The following DIS3L variants were observed in gnomAD, a reference collection of about 807,000 sequenced individuals.
DIS3L encodes DIS3-like exonuclease 1.
A neutral mutation model predicts 120.3 loss-of-function variants in DIS3L; 100 were observed. The observed-to-expected ratio is 0.83, with a 90% CI of 0.71 to 0.98. The LOEUF is 0.98. Ranked by LOEUF, DIS3L falls within the 50% of genes least tolerant of loss-of-function variation. DIS3L has a pLI of 0.00. For synonymous variants in DIS3L, 426 were observed against 470.6 expected (o/e 0.91, Z 1.23); for missense variants, 1,196 against 1,314.2 (o/e 0.91, Z 1.39).
chr15:66,311,765 C>G lies in DIS3L; in HGVS notation c.600C>G (p.His200Gln). The change falls in exon 5 of 17, where the codon CAC becomes CAG. Residue 200 changes from histidine to glutamine, a missense_variant. Coordinates refer to ENST00000319212, the MANE Select transcript of DIS3L (RefSeq NM_001143688.3). ...DNFWPDLKAA[H>Q]ELCDSILQSR... ...TCTGGCCTGATTTAAAAGCTGCCCA[C>G]GAGCTTTGTGATTCTATCCTTCAGT... The G allele has an allele frequency of 6.2e-7, 1 of 1,614,126 alleles. No individual in the cohort carries two copies. The highest frequency in any genetic ancestry group is 8.5e-7 in the Non-Finnish European group (1 of 1,180,004).
Position 66,322,821 on chromosome 15 carries a change from C to G in DIS3L, c.1461C>G (p.Asp487Glu). The G allele has an allele frequency of 6.2e-7, 1 of 1,614,208 alleles. No homozygotes were observed. The highest frequency in any genetic ancestry group is 8.5e-7 in the Non-Finnish European group (1 of 1,180,042). ...CCAAAGGTTGTGAAGATGTGGATGA[C>G]ACACTCTCAGTCAGAACCTTAAATA... ...IDPKGCEDVD[D>E]TLSVRTLNNG... The change falls in exon 10 of 17, where the codon GAC becomes GAG. Residue 487 changes from aspartate (D) to glutamate (E), a missense_variant. Physicochemically the swap from Asp to Glu is conservative, Grantham distance 45. Transcript: ENST00000319212.
chr15:66,293,856 C>T, intron 1 of DIS3L, 121 bp downstream of exon 1: 1 of 970,824 alleles, frequency 1.0e-6, no homozygotes, highest in Non-Finnish European at 1.2e-6. Context: ...GGCCCCGCGG[C>T]CTGCGCCCGC....
intron 6 of DIS3L, among the ~76,000 whole-genome samples, chr15:66,314,498 AAAT>A (rs1448114626): frequency 1.3e-5 from 2 of 152,230 alleles, no homozygotes; most frequent in East Asian, 3.8e-4. Context: ...AAAAATGTGT[AAAT>A]AAGTTGTATC....
Position 66,295,025 on chromosome 15 carries a change from G to C in DIS3L, c.177G>C (p.Val59=). The change falls in exon 2 of 17, where the codon GTG becomes GTC. Residue 59 remains valine (V), a synonymous_variant. Transcript: ENST00000319212. ...KLLSSDVTHY[V]IPDWKVVQDY... is the part of the protein sequence containing the mutation. ...TGTCTAGTGATGTGACTCATTACGTGATCCCAGACTGGAAAGTTGTTCAAG... is the reference window on the plus strand; with the variant it reads ...TGTCTAGTGATGTGACTCATTACGTCATCCCAGACTGGAAAGTTGTTCAAG... 6.2e-7 allele frequency: 1 copy of C among 1,614,040 alleles called. No individual in the cohort carries two copies. The highest frequency in any genetic ancestry group is 8.5e-7 in the Non-Finnish European group (1 of 1,179,962).
At chr15:66,294,157 C>T in intron 1 of DIS3L, 2 of 985,636 alleles carry the variant, frequency 2.0e-6, no homozygotes, top group Middle Eastern at 5.2e-4. Context: ...GCTGACATCG[C>T]CTGCTTTGCA....
intron 10 of DIS3L, 30 bp from the exon 11 acceptor site, chr15:66,323,463 G>A (rs2092906510): frequency 6.2e-7 from 1 of 1,611,586 alleles, no homozygotes; most frequent in Non-Finnish European, 8.5e-7. Context: ...CCTGCTAAAG[G>A]TCGCGTTGCC....
intron 14 of DIS3L, chr15:66,331,405 A>G (rs990405625): frequency 6.6e-6 from 1 of 152,084 alleles, no homozygotes; most frequent in African/African-American, 2.4e-5. Context: ...AATACAAAAA[A>G]TTACCCGGGC....
chr15:66,304,205 C>A (rs1054187060), intron 2 of DIS3L, among the ~76,000 whole-genome samples: 1 of 151,574 alleles, frequency 6.6e-6, no homozygotes, highest in South Asian at 2.1e-4. Context: ...AATCCCAACA[C>A]TTTGGGAGGC....
At chr15:66,311,565 A>C in intron 4 of DIS3L, among the ~76,000 whole-genome samples, 159 bp from the exon 5 acceptor site, 1 of 152,112 alleles carries the variant, frequency 6.6e-6, no homozygotes, top group East Asian at 1.9e-4. Flanking sequence ...ATGTGGTAGT[A>C]GAGAATGAAT....
rs1014771048 is a variant in DIS3L, at chr15:66,311,790, T to C, written c.625T>C (p.Ser209Pro). Residue 209 changes from serine (S) to proline (P), a missense_variant, in exon 5 of 17, where the codon TCT becomes CCT. Transcript: ENST00000319212. The stretch of plus-strand genomic sequence containing the variant: ...CGAGCTTTGTGATTCTATCCTTCAG[T>C]CTCGACGGGAGAGAGAGAATGAGAG... ...AHELCDSILQ[S>P]RRERENESQE... The C allele has an allele frequency of 3.7e-6, 6 of 1,614,036 alleles. No individual in the cohort carries two copies. Among genetic ancestry groups the C allele is most frequent in the Non-Finnish European group, 5.1e-6 (6 of 1,180,002 alleles).
chr15:66,332,761 C>T lies in DIS3L; in HGVS notation c.2707C>T (p.Leu903=). Residue 903 remains leucine (L), a synonymous_variant, in exon 16 of 17, where the codon CTA becomes TTA. Coordinates refer to ENST00000319212, the MANE Select transcript of DIS3L (RefSeq NM_001143688.3). ...GTTTGGGATTAAAGGTGCTGCTTATCTAAAAAATAAAGATGGTTTAGTCAT... is the reference window on the plus strand; with the variant it reads ...GTTTGGGATTAAAGGTGCTGCTTATTTAAAAAATAAAGATGGTTTAGTCAT... The part of the protein sequence containing the change: ...PRFGIKGAAY[L]KNKDGLVISC... The T allele has an allele frequency of 1.2e-6, 2 of 1,612,754 alleles. No homozygotes were observed. Among genetic ancestry groups the T allele is most frequent in the Non-Finnish European group, 1.7e-6 (2 of 1,179,556 alleles).
rs535971311 is a variant in DIS3L at position 66,322,780 on chromosome 15, G to A, written c.1420G>A (p.Val474Ile). Reference sequence around the variant, plus strand: ...TAAAGACTTGAGGAAAAGCCATCTCGTATTCAGCATTGACCCCAAAGGTTG... The same window carrying A: ...TAAAGACTTGAGGAAAAGCCATCTCATATTCAGCATTGACCCCAAAGGTTG... ...KRKDLRKSHLVFSIDPKGCED... is the reference protein window; with the variant it reads ...KRKDLRKSHLIFSIDPKGCED... The change falls in exon 10 of 17, where the codon GTA becomes ATA. Residue 474 changes from valine to isoleucine, a missense_variant. Transcript: ENST00000319212. The A allele has an allele frequency of 7.4e-6, 12 of 1,614,166 alleles. No individual in the cohort carries two copies. The highest frequency in any genetic ancestry group is 5.5e-5 in the South Asian group (5 of 91,086).
At chr15:66,330,234 T>G (rs551360902) in intron 14 of DIS3L, 1 of 959,258 alleles carries the variant, frequency 1.0e-6, no homozygotes, top group African/African-American at 1.8e-5. Context: ...GAGGCGGAGC[T>G]TGCAGTGAGC....
chr15:66,293,636 T>G lies in DIS3L; in HGVS notation c.40T>G (p.Phe14Val). Residue 14 changes from phenylalanine (F) to valine (V), a missense_variant, in exon 1 of 17, where the codon TTC becomes GTC. Coordinates refer to ENST00000319212, the MANE Select transcript of DIS3L (RefSeq NM_001143688.3). The stretch of plus-strand genomic sequence containing the variant: ...GGAGAAGGTGCTGCTGCTGAGGACC[T>G]TCCAGGGCCGCACGCTGCGGATCGT... The part of the protein sequence containing the change: ...KREKVLLLRT[F>V]QGRTLRIVRE... The G allele has an allele frequency of 2.1e-6, 3 of 1,442,244 alleles. No homozygotes were observed. Among genetic ancestry groups the G allele is most frequent in the South Asian group, 1.3e-5 (1 of 76,354 alleles). The allele number at this position is 1,442,244 out of a possible 1,614,324, so 89.3% of individuals were successfully genotyped here. A position where few individuals can be genotyped will look rare whatever the true frequency, so the allele number is the denominator to read the frequency against.
At chr15:66,305,824 C>T (rs1156836843) in intron 2 of DIS3L, among the ~76,000 whole-genome samples, 2 of 152,184 alleles carry the variant, frequency 1.3e-5, no homozygotes, top group Non-Finnish European at 2.9e-5. Context: ...AGCCACCACA[C>T]CCAGCAAATT....
chr15:66,319,903 C>G (rs1272598349), intron 8 of DIS3L, among the ~76,000 whole-genome samples: 1 of 147,202 alleles, frequency 6.8e-6, no homozygotes, highest in African/African-American at 2.5e-5. Context: ...TCACTTGAGG[C>G]TAGGAGTTCA....
At chr15:66,315,876 A>G (rs1040839648) in intron 7 of DIS3L, among the ~76,000 whole-genome samples, 4 of 152,078 alleles carry the variant, frequency 2.6e-5, no homozygotes, top group South Asian at 2.1e-4. Context: ...GTCAGCCTCC[A>G]TCGTCTGGAA....
intron 12 of DIS3L, among the ~76,000 whole-genome samples, chr15:66,326,930 G>A (rs1595760818): frequency 6.8e-6 from 1 of 146,506 alleles, no homozygotes; most frequent in Non-Finnish European, 1.5e-5. Flanking sequence ...TTGTTCGGTT[G>A]GTTTTTTTTT....
chr15:66,303,466 C>G (rs1403904321), intron 2 of DIS3L, among the ~76,000 whole-genome samples: 1 of 152,162 alleles, frequency 6.6e-6, no homozygotes, highest in Non-Finnish European at 1.5e-5. Context: ...CCCCTCACCT[C>G]CCCCAGCAGA....
Sources: allele counts gnomAD v4.1 joint callset (sites outside exome capture counted in the v4.1 genomes callset), GRCh38; gene constraint gnomAD v4.1.1; transcripts MANE v1.5; gene names NCBI Gene and HGNC (gene_info 2026-07-23, HGNC 2026-07-21).